Variants in MYADM observed in about 807,000 individuals in gnomAD.
MYADM encodes myeloid-associated differentiation marker.
For synonymous variants in MYADM, 224 were observed against 210.2 expected (o/e 1.07, Z -0.57); for missense variants, 416 against 443.4 (o/e 0.94, Z 0.56).
chr19:53,870,198 A>G (rs1295320652), intron 2 of MYADM, among the ~76,000 whole-genome samples: 34 of 51,094 alleles, frequency 6.7e-4, no homozygotes, highest in Non-Finnish European at 1.0e-3. Context: ...TGGGGTCTGG[A>G]CTCCTGGGTC....
chr19:53,873,898 C>T lies in MYADM; in HGVS notation c.369C>T (p.Thr123=), dbSNP rs2068452865. The T allele has an allele frequency of 6.2e-7, 1 of 1,613,082 alleles. No individual in the cohort carries two copies. Among genetic ancestry groups the T allele is most frequent in the Non-Finnish European group, 8.5e-7 (1 of 1,180,034 alleles). The stretch of plus-strand genomic sequence containing the variant: ...CGGCCTCCATCATCTACCCCACCAC[C>T]TATGTCCAGTTCCTGTCCCACGGCC... ...CLSASIIYPT[T]YVQFLSHGRS... is the part of the protein sequence containing the mutation. Residue 123 remains threonine (T), a synonymous_variant, in exon 3 of 3, where the codon ACC becomes ACT. Coordinates refer to ENST00000391770, the MANE Select transcript of MYADM (RefSeq NM_138373.5). The surrounding 1 kb of genome is among the most constrained non-coding windows in gnomAD (Gnocchi z 4.3).
At chr19:53,867,457 A>T (rs762388107), upstream of MYADM, among the ~76,000 whole-genome samples, 11 of 148,594 alleles carry the variant, frequency 7.4e-5, no homozygotes, top group Non-Finnish European at 1.3e-4. Flanking sequence ...AGCGGAAGAA[A>T]GGAGTGAGGT....
upstream of MYADM, among the ~76,000 whole-genome samples, chr19:53,867,484 C>A (rs1223763919): frequency 6.6e-6 from 1 of 151,802 alleles, no homozygotes; most frequent in Non-Finnish European, 1.5e-5. Flanking sequence ...GGGGCGGGGA[C>A]CTGAGCTGGG....
upstream of MYADM, among the ~76,000 whole-genome samples, chr19:53,866,930 C>T (rs2068254472): frequency 1.3e-5 from 2 of 152,192 alleles, no homozygotes; most frequent in African/African-American, 2.4e-5. The surrounding 1 kb of genome is among the most constrained non-coding windows in gnomAD (Gnocchi z 4.3). Context: ...TCCCGAAATG[C>T]TGGGATTACA....
In MYADM at chr19:53,875,199, C is replaced by CGTGTGTGTGTGTGTGTGTGT. The variant is rs3835132; in HGVS notation, c.*714_*733dup. 8.1e-5 allele frequency: 11 copies of CGTGTGTGTGTGTGTGTGTGT among 135,688 alleles called. No individual in the cohort carries two copies. The highest frequency in any genetic ancestry group is 3.4e-4 in the African/African-American group (10 of 29,412). The allele number at this position is 135,688 out of a possible 1,614,324, so 8.4% of individuals were successfully genotyped here. ...CTCGCTGTGCCTTAGTCAGTGTGTA[C>CGTGTGTGTGTGTGTGTGTGT]GTGTGTGTGTGTGTGTGTGTGTGTG... On this transcript the variant is annotated 3_prime_UTR_variant, in exon 3 of 3. Transcript: ENST00000391770.
At chr19:53,867,684 T>C (rs1340601348), upstream of MYADM, among the ~76,000 whole-genome samples, 1 of 152,038 alleles carries the variant, frequency 6.6e-6, no homozygotes, top group Non-Finnish European at 1.5e-5. Context: ...CCCTGCTCAC[T>C]GGGGTGGGGC....
At position 53,873,572 on chromosome 19, in the gene MYADM, A is replaced by T. The variant is rs137941003; in HGVS notation, c.43A>T (p.Thr15Ser). The change falls in exon 3 of 3, where the codon ACG (threonine) becomes TCG (serine). Residue 15 changes from threonine (T) to serine (S), a missense_variant. Transcript: ENST00000391770. This position sits in a 1 kb window ranked among gnomAD's most constrained non-coding sequence, Gnocchi z 4.3. ...VTRTTITTTT[T>S]SSSGLGSPMI... ...CCGCACCACCATCACAACCACCACG[A>T]CGTCATCTTCGGGCCTGGGGTCCCC... The T allele has an allele frequency of 1.9e-3, 3,041 of 1,611,732 alleles. 25 individuals are homozygous for T. The highest frequency in any genetic ancestry group is 0.014 in the South Asian group (1,262 of 90,986).
Position 53,874,018 on chromosome 19 carries a change from C to T in MYADM, c.489C>T (p.Gly163=), listed in dbSNP as rs143914793. Residue 163 remains glycine, a synonymous_variant, in exon 3 of 3, where the codon GGC becomes GGT. Coordinates refer to ENST00000391770, the MANE Select transcript of MYADM (RefSeq NM_138373.5). ...TGGCCTGGACCCGGGCCCGGCCCGG[C>T]GAGATCACTGGCTATATGGCCACCG... The part of the protein sequence containing the change: ...TEVAWTRARP[G]EITGYMATVP... The T allele has an allele frequency of 8.7e-6, 14 of 1,608,418 alleles. No homozygotes were observed. The highest frequency in any genetic ancestry group is 8.0e-5 in the African/African-American group (6 of 74,926).
chr19:53,868,260 TCC>T lies in MYADM; in HGVS notation c.-88+318_-88+319del, dbSNP rs2122891617. On this transcript the variant is annotated intron_variant, in intron 1 of 2. Transcript: ENST00000391770. This position sits in a 1 kb window ranked among gnomAD's most constrained non-coding sequence, Gnocchi z 6.3. ...GGGAGGAGGGGCTGAGGGCCTGGAC[TCC>T]TGGGTCTGAGGGAGGAGGAGCTGGG... Among the ~76,000 whole-genome samples the T allele has an allele frequency of 6.7e-6, 1 of 149,628 alleles. No homozygotes were observed. The highest frequency in any genetic ancestry group is 2.0e-4 in the East Asian group (1 of 5,014).
Position 53,868,105 on chromosome 19 carries a change from G to A in MYADM, c.-88+162G>A, listed in dbSNP as rs967800613. ...GAGGAGAGGGCTGAGGACCTGGACT[G>A]TGGAGGTCATACGTCTGGAAGAGTG... On this transcript the variant is annotated intron_variant, in intron 1 of 2. Transcript: ENST00000391770. This position sits in a 1 kb window ranked among gnomAD's most constrained non-coding sequence, Gnocchi z 6.3. Among the ~76,000 whole-genome samples the A allele has an allele frequency of 6.6e-6, 1 of 152,076 alleles. No homozygotes were observed. The highest frequency in any genetic ancestry group is 1.5e-5 in the Non-Finnish European group (1 of 68,018).
In MYADM at chr19:53,874,114, C is replaced by A; in HGVS notation, c.585C>A (p.Asn195Lys). ...CIIFAFISDP[N>K]LYQHQPALEW... The stretch of plus-strand genomic sequence containing the variant: ...TCTTCGCGTTCATCAGCGACCCCAA[C>A]CTGTACCAGCACCAGCCGGCCCTGG... Residue 195 changes from asparagine to lysine, a missense_variant, in exon 3 of 3, where the codon AAC becomes AAA. Asn to Lys is a moderately conservative substitution (Grantham distance 94). Coordinates refer to ENST00000391770, the MANE Select transcript of MYADM (RefSeq NM_138373.5). 2.5e-6 allele frequency: 4 copies of A among 1,613,078 alleles called. No homozygotes were observed. The highest frequency in any genetic ancestry group is 2.5e-6 in the Non-Finnish European group (3 of 1,180,040).
At position 53,868,216 on chromosome 19, in the gene MYADM, T is replaced by C. The variant is rs1229884279; in HGVS notation, c.-88+273T>C. The stretch of plus-strand genomic sequence containing the variant: ...GTCCGAGGCAGGAGGGGCTGGGGGG[T>C]CTGGACTCCTGGGTCCGAGGGAGGA... On this transcript the variant is annotated intron_variant, in intron 1 of 2. Coordinates refer to ENST00000391770, the MANE Select transcript of MYADM (RefSeq NM_138373.5). This position sits in a 1 kb window ranked among gnomAD's most constrained non-coding sequence, Gnocchi z 6.3. Among the ~76,000 whole-genome samples the C allele has an allele frequency of 7.0e-6, 1 of 141,926 alleles. No individual in the cohort carries two copies. The highest frequency in any genetic ancestry group is 1.5e-5 in the Non-Finnish European group (1 of 64,906). 93.1% of individuals were successfully genotyped at this position (141,926 alleles called of 152,430 possible). A position where few individuals can be genotyped will look rare whatever the true frequency, so the allele number is the denominator to read the frequency against.
chr19:53,875,231 T>TGTGTG lies in MYADM; in HGVS notation c.*733_*734insGTGTG, dbSNP rs2068506376. On this transcript the variant is annotated 3_prime_UTR_variant, in exon 3 of 3. Transcript: ENST00000391770. ...GTGTGTGTGTGTGTGTGTGTGTGTGTTTGGGGGGTGGGGGGTGGGTAGCTG... is the reference window on the plus strand; with the variant it reads ...GTGTGTGTGTGTGTGTGTGTGTGTGTGTGTGTTGGGGGGTGGGGGGTGGGTAGCTG... The TGTGTG allele has an allele frequency of 1.3e-4, 13 of 100,990 alleles. No homozygotes were observed. Among genetic ancestry groups the TGTGTG allele is most frequent in the African/African-American group, 4.6e-4 (13 of 28,002 alleles). The allele number at this position is 100,990 out of a possible 1,614,324, so 6.3% of individuals were successfully genotyped here.
chr19:53,874,445 G>T lies in MYADM; in HGVS notation c.916G>T (p.Ala306Ser). ...VAILTAINLL[A>S]YVADLVHSAH... ...CATCCTGACGGCCATCAACCTACTGGCGTATGTGGCTGACCTGGTGCACTC... is the reference window on the plus strand; with the variant it reads ...CATCCTGACGGCCATCAACCTACTGTCGTATGTGGCTGACCTGGTGCACTC... Residue 306 changes from alanine (A) to serine (S), a missense_variant, in exon 3 of 3, where the codon GCG (alanine) becomes TCG (serine). Transcript: ENST00000391770. 6.2e-7 allele frequency: 1 copy of T among 1,613,826 alleles called. No homozygotes were observed. The highest frequency in any genetic ancestry group is 8.5e-7 in the Non-Finnish European group (1 of 1,179,780).
intron 2 of MYADM, among the ~76,000 whole-genome samples, chr19:53,870,847 G>A (rs1358322581): frequency 2.0e-5 from 3 of 152,178 alleles, no homozygotes; most frequent in Non-Finnish European, 4.4e-5. Flanking sequence ...GTTTTGCAAG[G>A]ACTAAAGAAG....
In MYADM at chr19:53,875,935, CTG is replaced by C. The variant is rs927190452; in HGVS notation, c.*1441_*1442del. The C allele has an allele frequency of 1.2e-5, 2 of 167,046 alleles. No homozygotes were observed. Among genetic ancestry groups the C allele is most frequent in the Admixed American group, 1.3e-4 (2 of 15,282 alleles). The allele number at this position is 167,046 out of a possible 1,614,324, so 10.3% of individuals were successfully genotyped here. A position where few individuals can be genotyped will look rare whatever the true frequency, so the allele number is the denominator to read the frequency against. Reference sequence around the variant, plus strand: ...TTGTGAGGGACAGCGATGTGGCCCTCTGTGTTAAGAATAACGTGTCCTGCTTT... The same window carrying C: ...TTGTGAGGGACAGCGATGTGGCCCTCTGTTAAGAATAACGTGTCCTGCTTT... On this transcript the variant is annotated 3_prime_UTR_variant, in exon 3 of 3. Transcript: ENST00000391770.
chr19:53,873,946 C>T lies in MYADM; in HGVS notation c.417C>T (p.Ala139=), dbSNP rs114795210. The change falls in exon 3 of 3, where the codon GCC becomes GCT. Residue 139 remains alanine, a synonymous_variant. Coordinates refer to ENST00000391770, the MANE Select transcript of MYADM (RefSeq NM_138373.5). The surrounding 1 kb of genome is among the most constrained non-coding windows in gnomAD (Gnocchi z 4.3). ...SHGRSRDHAI[A]ATFFSCIACV... is the part of the protein sequence containing the mutation. ...GCCGTTCGCGGGACCACGCCATCGC[C>T]GCCACCTTCTTCTCCTGCATCGCGT... 8.4e-4 allele frequency: 1,348 copies of T among 1,611,056 alleles called. 7 individuals carry two copies. In the African/African-American group the frequency reaches 0.016, roughly 19 times the overall value.
rs1318408258 is a variant in MYADM at position 53,869,832 on chromosome 19, A to G, written c.-9A>G. On this transcript the variant is annotated 5_prime_UTR_variant, in exon 2 of 3. Transcript: ENST00000391770. Reference sequence around the variant, plus strand: ...TTTCTCCGTGGATTCCTCTGCTAAGACCGCTGGTGAGTAGGCAGCGGGCCT... The same window carrying G: ...TTTCTCCGTGGATTCCTCTGCTAAGGCCGCTGGTGAGTAGGCAGCGGGCCT... The G allele has an allele frequency of 6.5e-6, 1 of 153,606 alleles. No individual in the cohort carries two copies. Among genetic ancestry groups the G allele is most frequent in the African/African-American group, 2.5e-5 (1 of 40,720 alleles). 9.5% of individuals were successfully genotyped at this position (153,606 alleles called of 1,614,324 possible). A position where few individuals can be genotyped will look rare whatever the true frequency, so the allele number is the denominator to read the frequency against.
rs1302746396 is a variant in MYADM, at chr19:53,868,206, G to C, written c.-88+263G>C. On this transcript the variant is annotated intron_variant, in intron 1 of 2. Transcript: ENST00000391770. This position sits in a 1 kb window ranked among gnomAD's most constrained non-coding sequence, Gnocchi z 6.3. ...GGACTCCCGGGTCCGAGGCAGGAGG[G>C]GCTGGGGGGTCTGGACTCCTGGGTC... Among the ~76,000 whole-genome samples the C allele has an allele frequency of 6.6e-6, 1 of 151,788 alleles. No individual in the cohort carries two copies. Among genetic ancestry groups the C allele is most frequent in the Admixed American group, 6.6e-5 (1 of 15,252 alleles).
Sources: allele counts gnomAD v4.1 joint callset (sites outside exome capture counted in the v4.1 genomes callset), GRCh38; gene constraint gnomAD v4.1.1; non-coding constraint Gnocchi (gnomAD v3.1); transcripts MANE v1.5; gene names NCBI Gene and HGNC (gene_info 2026-07-23, HGNC 2026-07-21).